TRAIP: variants seen among roughly 807,000 people sequenced by gnomAD.
TRAIP encodes the protein E3 ubiquitin-protein ligase TRAIP.
TRAIP carries 37 observed loss-of-function variants against 65.0 expected under a neutral mutation model. The observed-to-expected ratio is 0.57, with a 90% CI of 0.44 to 0.75. The LOEUF is 0.75. Ranked by LOEUF, TRAIP falls within the 30% of genes least tolerant of loss-of-function variation. The pLI is 0.00. For missense variants in TRAIP, 481 were observed against 579.4 expected, an observed-to-expected ratio of 0.83 and a Z score of 1.74; for synonymous variants, 187 against 219.1, an observed-to-expected ratio of 0.85 and a Z score of 1.29.
intron 10 of TRAIP, among the ~76,000 whole-genome samples, chr3:49,835,938 C>CAA (rs560923462): frequency 0.19 from 23,376 of 123,564 alleles, 2,263 homozygotes; most frequent in Middle Eastern, 0.28. Flanking sequence ...GACTCCATCT[C>CAA]AAAAAAAAAA....
chr3:49,846,953 G>A (rs1023936795), intron 3 of TRAIP, among the ~76,000 whole-genome samples: 4 of 152,072 alleles, frequency 2.6e-5, no homozygotes, highest in South Asian at 4.1e-4. Flanking sequence ...GGCCGAGGTG[G>A]GTGGATCACT....
chr3:49,855,206 T>C (rs923255333), intron 1 of TRAIP, among the ~76,000 whole-genome samples: 1 of 152,198 alleles, frequency 6.6e-6, no homozygotes, highest in African/African-American at 2.4e-5. Context: ...CCCTAGCACT[T>C]TGAGAGGCCA....
chr3:49,831,470 C>T (rs1158511701), intron 11 of TRAIP, among the ~76,000 whole-genome samples: 4 of 152,206 alleles, frequency 2.6e-5, no homozygotes, highest in Admixed American at 6.5e-5. Flanking sequence ...CATGCTTGCC[C>T]CTGTGGGTCA....
chr3:49,846,126 T>C (rs2081880071), intron 3 of TRAIP, among the ~76,000 whole-genome samples: 1 of 152,198 alleles, frequency 6.6e-6, no homozygotes, highest in Admixed American at 6.5e-5. Flanking sequence ...TCCCCTAATA[T>C]ATCCATTCCC....
At chr3:49,855,316 C>T (rs752015233) in intron 1 of TRAIP, among the ~76,000 whole-genome samples, 2 of 151,894 alleles carry the variant, frequency 1.3e-5, no homozygotes, top group Non-Finnish European at 2.9e-5. Flanking sequence ...GGCGTGGTGG[C>T]GCACGCCTGT....
rs751815842 is a variant in TRAIP at position 49,840,379 on chromosome 3, AG to A, written c.706-7del. The A allele has an allele frequency of 6.2e-7, 1 of 1,613,526 alleles. No individual in the cohort carries two copies. Among genetic ancestry groups the A allele is most frequent in the Non-Finnish European group, 8.5e-7 (1 of 1,179,424 alleles). ...TCAGAGTAGACTGTCTGCAACTATAAGAAAGTGTAGGGAATGAAAGACAAGC... is the reference window on the plus strand; with the variant it reads ...TCAGAGTAGACTGTCTGCAACTATAAAAAGTGTAGGGAATGAAAGACAAGC... On this transcript the variant is annotated splice_polypyrimidine_tract_variant and splice_region_variant and intron_variant, in intron 8 of 14. Transcript: ENST00000331456.
At chr3:49,850,154 A>C in intron 1 of TRAIP, among the ~76,000 whole-genome samples, 1 of 151,818 alleles carries the variant, frequency 6.6e-6, no homozygotes, top group Admixed American at 6.6e-5. Context: ...AACACTGAGG[A>C]AGAGAAGCCA....
chr3:49,839,263 T>C (rs1280696043), intron 10 of TRAIP, among the ~76,000 whole-genome samples: 1 of 151,264 alleles, frequency 6.6e-6, no homozygotes, highest in African/African-American at 2.4e-5. Context: ...GGGTCCTTGC[T>C]GGGGACTTTT....
At chr3:49,832,158 G>T in intron 10 of TRAIP, 90 bp from the exon 11 acceptor site, 5 of 1,378,526 alleles carry the variant, frequency 3.6e-6, no homozygotes, top group Non-Finnish European at 4.8e-6. Context: ...CAGCTCCAGG[G>T]ACCTGGAGCC....
At chr3:49,836,952 CTTTTTTT>C (rs397875517) in intron 10 of TRAIP, among the ~76,000 whole-genome samples, 7 of 83,224 alleles carry the variant, frequency 8.4e-5, no homozygotes, top group East Asian at 5.7e-4. Context: ...CTTGACATGA[CTTTTTTT>C]TTTTTTTTTT....
intron 6 of TRAIP, 69 bp downstream of exon 6, chr3:49,842,384 T>C (rs1385605950): frequency 1.1e-5 from 17 of 1,486,800 alleles, no homozygotes; most frequent in Non-Finnish European, 1.6e-5. Flanking sequence ...CCTGCTGCAG[T>C]CCTAAGAACT....
At chr3:49,842,669 T>C (rs1365848301) in intron 5 of TRAIP, 122 bp from the exon 6 acceptor site, 3 of 886,338 alleles carry the variant, frequency 3.4e-6, no homozygotes, top group Non-Finnish European at 3.5e-6. Context: ...CTGATAACCA[T>C]GTACTCCCAA....
intron 10 of TRAIP, among the ~76,000 whole-genome samples, chr3:49,838,334 C>G (rs916916102): frequency 1.3e-5 from 2 of 152,216 alleles, no homozygotes; most frequent in Non-Finnish European, 2.9e-5. Context: ...CCTCCCTGTA[C>G]CAAGATGGGC....
At chr3:49,851,138 C>T (rs1429269855) in intron 1 of TRAIP, among the ~76,000 whole-genome samples, 3 of 151,898 alleles carry the variant, frequency 2.0e-5, no homozygotes, top group Non-Finnish European at 4.4e-5. Flanking sequence ...CCACTATGCT[C>T]GGCTAATTTT....
intron 1 of TRAIP, among the ~76,000 whole-genome samples, chr3:49,853,931 A>G (rs1251798134): frequency 1.3e-5 from 2 of 152,156 alleles, no homozygotes; most frequent in African/African-American, 4.8e-5. Flanking sequence ...AAAAAGTTCA[A>G]TCCTGCAAGA....
At chr3:49,841,785 G>T in intron 7 of TRAIP, 41 bp downstream of exon 7, 1 of 1,555,310 alleles carries the variant, frequency 6.4e-7, no homozygotes, top group Non-Finnish European at 8.9e-7. Context: ...GGGCCCCATG[G>T]CCTATCTCCT....
intron 1 of TRAIP, among the ~76,000 whole-genome samples, chr3:49,855,780 C>T (rs2081965136): frequency 6.6e-6 from 1 of 152,230 alleles, no homozygotes; most frequent in African/African-American, 2.4e-5. Flanking sequence ...CTGTCCACAT[C>T]TGCTAGGGGA....
chr3:49,833,043 G>A (rs557605567), intron 10 of TRAIP, among the ~76,000 whole-genome samples: 66 of 152,208 alleles, frequency 4.3e-4, no homozygotes, highest in Middle Eastern at 3.4e-3. Flanking sequence ...GTCCCCGCCT[G>A]CAAGTTAAAA....
At chr3:49,836,205 TG>T (rs1182167572) in intron 10 of TRAIP, among the ~76,000 whole-genome samples, 1 of 152,008 alleles carries the variant, frequency 6.6e-6, no homozygotes, top group Non-Finnish European at 1.5e-5. Flanking sequence ...TAAGAAATGG[TG>T]GTGGCTGGGT....
Sources: gnomAD v4.1 joint callset for allele counts (sites outside exome capture counted in the v4.1 genomes callset) on GRCh38, gnomAD v4.1.1 for gene constraint, MANE v1.5 for transcripts, NCBI Gene and HGNC (gene_info 2026-07-23, HGNC 2026-07-21) for gene names.